Variants in SLC13A3 observed in about 807,000 individuals in gnomAD.
SLC13A3 encodes solute carrier family 13 member 3, also known as Na(+)/dicarboxylate cotransporter 3.
In SLC13A3, 40 loss-of-function variants were observed where a neutral mutation model predicts 59.0. That is an observed-to-expected ratio of 0.68 (90% CI 0.53 to 0.88). The LOEUF (loss-of-function observed/expected upper bound fraction) is 0.88, where lower values mean the gene tolerates loss of function less well. Ranked by LOEUF, SLC13A3 falls within the 40% of genes least tolerant of loss-of-function variation. SLC13A3 has a pLI of 0.00. For synonymous variants in SLC13A3, 317 were observed against 330.3 expected (o/e 0.96, Z 0.44); for missense variants, 699 against 783.2 (o/e 0.89, Z 1.28).
chr20:46,612,181 A>G lies in SLC13A3; in HGVS notation c.377+1279T>C, dbSNP rs115385988. On this transcript the variant is annotated intron_variant, in intron 2 of 12. Transcript: ENST00000279027. ...GTCTCACTGTTACTGAGGTTGGAGT[A>G]CAGTGAGTGGCGTGATCTTGGCTCA... Among the ~76,000 whole-genome samples the G allele has an allele frequency of 3.8e-3, 454 of 118,086 alleles. 2 individuals are homozygous for G. Among genetic ancestry groups the G allele is most frequent in the African/African-American group, 0.015 (440 of 29,382 alleles). The allele number at this position is 118,086 out of a possible 152,430, so 77.5% of individuals were successfully genotyped here. A position where few individuals can be genotyped will look rare whatever the true frequency, so the allele number is the denominator to read the frequency against.
At chr20:46,568,106 C>T (rs1231122469) in intron 10 of SLC13A3, among the ~76,000 whole-genome samples, 1 of 152,036 alleles carries the variant, frequency 6.6e-6, no homozygotes, top group Non-Finnish European at 1.5e-5. Context: ...TAGAAGACAG[C>T]ATACAGGGCC....
chr20:46,589,085 A>C (rs1346602103), intron 7 of SLC13A3, 75 bp downstream of exon 7: 5 of 1,358,092 alleles, frequency 3.7e-6, no homozygotes, highest in Non-Finnish European at 5.2e-6. Flanking sequence ...CCATGGGCCC[A>C]AGGCCAGGCC....
intron 3 of SLC13A3, among the ~76,000 whole-genome samples, chr20:46,600,318 GGA>G (rs1491505807): frequency 1.7e-4 from 20 of 117,108 alleles, no homozygotes; most frequent in African/African-American, 6.4e-4. Context: ...AAAGAGGGAA[GGA>G]AGGAAAGGAA....
At chr20:46,607,933 C>T (rs753409352) in intron 3 of SLC13A3, among the ~76,000 whole-genome samples, 3 of 152,070 alleles carry the variant, frequency 2.0e-5, no homozygotes, top group East Asian at 1.9e-4. Flanking sequence ...CCTAAGAGTC[C>T]GCGCATAAAC....
At chr20:46,579,982 T>C (rs778784282) in intron 9 of SLC13A3, among the ~76,000 whole-genome samples, 20 of 152,172 alleles carry the variant, frequency 1.3e-4, no homozygotes, top group Admixed American at 4.6e-4. Flanking sequence ...TTTTTTTTTT[T>C]TGAGACAGAG....
intron 5 of SLC13A3, among the ~76,000 whole-genome samples, chr20:46,594,432 C>T (rs1206436261): frequency 6.6e-6 from 1 of 152,128 alleles, no homozygotes; most frequent in Non-Finnish European, 1.5e-5. Flanking sequence ...TTCTCTCCAT[C>T]CCCAACCTAG....
intron 9 of SLC13A3, among the ~76,000 whole-genome samples, chr20:46,578,350 T>A (rs1165554913): frequency 6.6e-6 from 1 of 152,106 alleles, no homozygotes; most frequent in Non-Finnish European, 1.5e-5. Context: ...TTGGAGAACT[T>A]ATATTCCAGG....
At chr20:46,684,462 C>T (rs1310718201) in exon 1 of SLC13A3, 3 of 152,208 alleles carry the variant, frequency 2.0e-5, no homozygotes, top group Admixed American at 1.3e-4. Context: ...CAAACACACC[C>T]TTCTCCACGT....
chr20:46,617,413 CAGG>C (rs2062567503), intron 1 of SLC13A3, among the ~76,000 whole-genome samples: 1 of 152,082 alleles, frequency 6.6e-6, no homozygotes, highest in Non-Finnish European at 1.5e-5. Flanking sequence ...TGCTTGAGGC[CAGG>C]AGTTCAAGTC....
At chr20:46,632,698 G>T (rs2062752028) in intron 1 of SLC13A3, among the ~76,000 whole-genome samples, 1 of 152,060 alleles carries the variant, frequency 6.6e-6, no homozygotes, top group Admixed American at 6.5e-5. Context: ...TAATAATGAT[G>T]ATAAGAATTT....
chr20:46,652,956 C>T (rs2694902), upstream of SLC13A3, among the ~76,000 whole-genome samples: 32,176 of 151,884 alleles, frequency 0.21, 5,625 homozygotes, highest in African/African-American at 0.49. Flanking sequence ...CTGACAGGGA[C>T]ATAGTAATAG....
At chr20:46,667,299 A>G (rs1441101974) in intron 1 of SLC13A3, among the ~76,000 whole-genome samples, 3 of 152,130 alleles carry the variant, frequency 2.0e-5, no homozygotes, top group Admixed American at 1.3e-4. Context: ...ATTTCTAGAG[A>G]ATTGGATTCA....
At chr20:46,656,663 C>A (rs1012041685) in intron 1 of SLC13A3, among the ~76,000 whole-genome samples, 3 of 149,722 alleles carry the variant, frequency 2.0e-5, no homozygotes, top group African/African-American at 7.4e-5. Flanking sequence ...ATATATATAG[C>A]CAAATTTGGG....
At chr20:46,631,396 G>C (rs1328750056) in intron 1 of SLC13A3, among the ~76,000 whole-genome samples, 3 of 152,210 alleles carry the variant, frequency 2.0e-5, no homozygotes, top group Admixed American at 2.0e-4. Flanking sequence ...TGGCTTCCCT[G>C]AGGTCACACA....
In SLC13A3 at chr20:46,613,730, A is replaced by T. The variant is rs1275276151; in HGVS notation, c.112-5T>A. 1 of 1,579,772 alleles carries T rather than the reference A, an allele frequency of 6.3e-7. No individual in the cohort carries two copies. The highest frequency in any genetic ancestry group is 8.6e-7 in the Non-Finnish European group (1 of 1,160,386). On this transcript the variant is annotated splice_region_variant and splice_polypyrimidine_tract_variant and intron_variant, in intron 1 of 12. Transcript: ENST00000279027. ...GACAAACAAGCAGCGGCCTTCCTGC[A>T]GGAGGAGATGCATGCTCAGAGGGTC...
upstream of SLC13A3, among the ~76,000 whole-genome samples, chr20:46,672,329 T>C (rs1402072357): frequency 6.6e-6 from 1 of 152,252 alleles, no homozygotes; most frequent in Non-Finnish European, 1.5e-5. Flanking sequence ...GCAGTAGTCA[T>C]TCATACCCAA....
In SLC13A3 at chr20:46,611,637, A is replaced by C. The variant is rs182493648; in HGVS notation, c.378-1028T>G. Reference sequence around the variant, plus strand: ...CAATTTTATCACCCAAATTACTCTCAAATCTATCCAATCTGTTCATCTCCA... The same window carrying C: ...CAATTTTATCACCCAAATTACTCTCCAATCTATCCAATCTGTTCATCTCCA... On this transcript the variant is annotated intron_variant, in intron 2 of 12. Transcript: ENST00000279027. Among the ~76,000 whole-genome samples, 444 of 152,220 alleles carry C rather than the reference A, an allele frequency of 2.9e-3. 1 individual carries two copies. The highest frequency in any genetic ancestry group is 4.9e-3 in the Non-Finnish European group (335 of 68,012).
intron 1 of SLC13A3, among the ~76,000 whole-genome samples, chr20:46,660,338 A>T (rs1229191375): frequency 6.6e-6 from 1 of 152,080 alleles, no homozygotes; most frequent in Non-Finnish European, 1.5e-5. Flanking sequence ...TTTGTTTTTG[A>T]AGTTACTTTC....
chr20:46,667,433 G>A (rs2063067734), intron 1 of SLC13A3, among the ~76,000 whole-genome samples: 1 of 152,198 alleles, frequency 6.6e-6, no homozygotes, highest in Non-Finnish European at 1.5e-5. Context: ...GAGATTAAGA[G>A]TACAATATTT....
Sources: gnomAD v4.1 joint callset for allele counts (sites outside exome capture counted in the v4.1 genomes callset) on GRCh38, gnomAD v4.1.1 for gene constraint, MANE v1.5 for transcripts, NCBI Gene and HGNC (gene_info 2026-07-23, HGNC 2026-07-21) for gene names.